ACACA: variants seen among roughly 807,000 people sequenced by gnomAD.
The protein encoded by ACACA is acetyl-CoA carboxylase 1.
Under a neutral mutation model 296.1 loss-of-function variants are expected in ACACA, and 103 were observed. The ratio of observed to expected loss-of-function variants is 0.35; its 90% confidence interval spans 0.30 to 0.41. ACACA has a LOEUF of 0.41. ACACA is among the 10% of genes least tolerant of loss of function. The pLI, the probability that ACACA is intolerant of heterozygous loss-of-function variation, is 1.00. For synonymous variants in ACACA, 953 were observed against 1,038.6 expected, an observed-to-expected ratio of 0.92 and a Z score of 1.58; for missense variants, 1,554 against 2,989.7, an observed-to-expected ratio of 0.52 and a Z score of 11.20.
At position 37,391,500 on chromosome 17, in the gene ACACA, C is replaced by T. The variant is rs1231752049; in HGVS notation, c.38+14762G>A. On this transcript the variant is annotated intron_variant, in intron 1 of 55. Coordinates refer to ENST00000616317, the MANE Select transcript of ACACA (RefSeq NM_198834.3). ...TATGTGCACCTTGATCATACTTTCTCAGTGTAATTATCGATTAACAAAGAG... is the reference window on the plus strand; with the variant it reads ...TATGTGCACCTTGATCATACTTTCTTAGTGTAATTATCGATTAACAAAGAG... The T allele has an allele frequency of 4.3e-6, 3 of 692,238 alleles. No individual in the cohort carries two copies. The Admixed American group carries it at 7.0e-5, about 16-fold the overall frequency. The allele number at this position is 692,238 out of a possible 1,614,324, so 42.9% of individuals were successfully genotyped here.
At chr17:37,174,006 A>ACT (rs2076999338) in intron 41 of ACACA, among the ~76,000 whole-genome samples, 1 of 12,250 alleles carries the variant, frequency 8.2e-5, no homozygotes, top group Non-Finnish European at 1.3e-4. Context: ...ATATATATAT[A>ACT]TATATATATA....
chr17:37,098,773 G>T (rs767096616), intron 52 of ACACA, among the ~76,000 whole-genome samples: 7 of 152,196 alleles, frequency 4.6e-5, no homozygotes, highest in Non-Finnish European at 7.3e-5. Flanking sequence ...GGATCACTGC[G>T]CACGGTACCC....
chr17:37,306,690 A>C (rs552613256), intron 3 of ACACA, among the ~76,000 whole-genome samples: 1 of 151,870 alleles, frequency 6.6e-6, no homozygotes, highest in South Asian at 2.1e-4. Flanking sequence ...TATGTGTATA[A>C]ATTTATTATT....
intron 25 of ACACA, among the ~76,000 whole-genome samples, chr17:37,234,603 T>A (rs1022541716): frequency 6.6e-6 from 1 of 152,134 alleles, no homozygotes; most frequent in Non-Finnish European, 1.5e-5. Flanking sequence ...TGAGAGCCAT[T>A]GCTTGTATCT....
At chr17:37,109,768 C>T (rs1219496655) in intron 52 of ACACA, among the ~76,000 whole-genome samples, 1 of 152,142 alleles carries the variant, frequency 6.6e-6, no homozygotes, top group East Asian at 1.9e-4. Context: ...ATCTCCACAC[C>T]CCTCACCATC....
At chr17:37,326,297 A>AGGC (rs1411715468) in intron 3 of ACACA, among the ~76,000 whole-genome samples, 1 of 150,290 alleles carries the variant, frequency 6.7e-6, no homozygotes, top group African/African-American at 2.5e-5. Flanking sequence ...GCACTTTGGG[A>AGGC]GGCCAAGGCA....
At chr17:37,331,399 C>T (rs1354425421) in intron 2 of ACACA, among the ~76,000 whole-genome samples, 3 of 145,910 alleles carry the variant, frequency 2.1e-5, no homozygotes, top group African/African-American at 7.7e-5. Context: ...TGAGCCACCG[C>T]ACCCGGCCTA....
intron 1 of ACACA, chr17:37,386,945 G>A (rs1358836033): frequency 6.6e-6 from 1 of 152,264 alleles, no homozygotes; most frequent in African/African-American, 2.4e-5. Flanking sequence ...AGCCTCCTGA[G>A]TAGCTGGGAC....
chr17:37,363,889 G>A (rs1000374980), intron 1 of ACACA, among the ~76,000 whole-genome samples: 1 of 151,792 alleles, frequency 6.6e-6, no homozygotes, highest in Non-Finnish European at 1.5e-5. Context: ...TCGGGAGGAC[G>A]AGGCGGGTGG....
chr17:37,206,940 C>T, intron 31 of ACACA, 61 bp from the exon 32 acceptor site: 1 of 1,357,228 alleles, frequency 7.4e-7, no homozygotes, highest in South Asian at 1.2e-5. Flanking sequence ...CTAACACTGC[C>T]ATTGGCAGCT....
chr17:37,351,353 C>T (rs1179865644), intron 1 of ACACA, among the ~76,000 whole-genome samples: 1 of 152,142 alleles, frequency 6.6e-6, no homozygotes, highest in African/African-American at 2.4e-5. Context: ...ATTCCAGCTA[C>T]ATGGGAGGCT....
intron 25 of ACACA, among the ~76,000 whole-genome samples, chr17:37,230,590 C>G (rs1446822695): frequency 6.6e-6 from 1 of 152,020 alleles, no homozygotes; most frequent in Non-Finnish European, 1.5e-5. Context: ...CTTCCTCAAC[C>G]CTGTCTTGTC....
At chr17:37,397,596 C>T (rs1433815425) in intron 1 of ACACA, among the ~76,000 whole-genome samples, 1 of 152,010 alleles carries the variant, frequency 6.6e-6, no homozygotes, top group African/African-American at 2.4e-5. Context: ...CTTATTTTCC[C>T]TCATATTTCA....
intron 10 of ACACA, among the ~76,000 whole-genome samples, chr17:37,265,985 C>T (rs189794738): frequency 2.0e-4 from 30 of 152,308 alleles, no homozygotes; most frequent in Non-Finnish European, 3.7e-4. Context: ...CAACACAAGT[C>T]TCTTGACAAC....
In ACACA at chr17:37,156,709, G is replaced by A. The variant is rs185564967; in HGVS notation, c.5350-929C>T. Among the ~76,000 whole-genome samples, 51 of 152,298 alleles carry A rather than the reference G, an allele frequency of 3.3e-4. 2 individuals carry two copies. The East Asian group carries it at 9.1e-3, about 27-fold the overall frequency. On this transcript the variant is annotated intron_variant, in intron 42 of 55. Transcript: ENST00000616317. ...TACACACAGCCACATACAAAGTAGA[G>A]TTACATGGTATATGTGTTTAACTTA...
chr17:37,290,938 C>T (rs1341312802), intron 3 of ACACA, among the ~76,000 whole-genome samples: 3 of 151,682 alleles, frequency 2.0e-5, no homozygotes, highest in Non-Finnish European at 2.9e-5. Context: ...AAAAATTAGT[C>T]GGGCGTGGTG....
intron 1 of ACACA, among the ~76,000 whole-genome samples, chr17:37,375,256 G>A (rs1024878785): frequency 6.6e-6 from 1 of 152,086 alleles, no homozygotes; most frequent in African/African-American, 2.4e-5. Context: ...GGAGGCCGAG[G>A]CAGGTGGATC....
At chr17:37,134,284 C>A (rs1022501866) in intron 45 of ACACA, among the ~76,000 whole-genome samples, 2 of 152,144 alleles carry the variant, frequency 1.3e-5, no homozygotes, top group Non-Finnish European at 2.9e-5. Flanking sequence ...CCCTTAAAGC[C>A]CTTTTTGGAG....
chr17:37,406,351 G>A lies in ACACA; in HGVS notation c.-52C>T, dbSNP rs1476702635. The A allele has an allele frequency of 5.0e-6, 8 of 1,597,614 alleles. No individual in the cohort carries two copies. Among genetic ancestry groups the A allele is most frequent in the Non-Finnish European group, 6.9e-6 (8 of 1,165,040 alleles). ...GCCTCTGAAGCCCAAAGAGGGGATG[G>A]TTCTTTCCAAAGAAGACAATTTCGA... On this transcript the variant is annotated 5_prime_UTR_variant, in exon 1 of 56. Coordinates refer to ENST00000616317, the MANE Select transcript of ACACA (RefSeq NM_198834.3).
Sources: gnomAD v4.1 joint callset for allele counts (sites outside exome capture counted in the v4.1 genomes callset) on GRCh38, gnomAD v4.1.1 for gene constraint, MANE v1.5 for transcripts, NCBI Gene and HGNC (gene_info 2026-07-23, HGNC 2026-07-21) for gene names.